Variants in TMEFF2 observed in about 807,000 individuals in gnomAD.
The protein encoded by TMEFF2 is transmembrane protein with EGF like and two follistatin like domains 2.
A neutral mutation model predicts 53.8 loss-of-function variants in TMEFF2; 28 were observed. The ratio of observed to expected loss-of-function variants is 0.52; its 90% CI spans 0.39 to 0.71. The LOEUF is 0.71. Among genes scored for constraint, TMEFF2 ranks in the 30% least tolerant of loss-of-function variants. The pLI is 0.00. For missense variants in TMEFF2, 353 were observed against 455.2 expected, an observed-to-expected ratio of 0.78 and a Z score of 2.04; for synonymous variants, 162 against 166.3, an observed-to-expected ratio of 0.97 and a Z score of 0.20.
At chr2:192,071,732 G>C (rs532821485) in intron 4 of TMEFF2, among the ~76,000 whole-genome samples, 2 of 151,898 alleles carry the variant, frequency 1.3e-5, no homozygotes, top group South Asian at 4.1e-4. Flanking sequence ...TAAATGCTAC[G>C]TAAATAATCC....
At chr2:191,967,304 T>C (rs1692498165) in intron 7 of TMEFF2, among the ~76,000 whole-genome samples, 1 of 152,184 alleles carries the variant, frequency 6.6e-6, no homozygotes, top group Non-Finnish European at 1.5e-5. Flanking sequence ...ATGCTGTTGA[T>C]GCTCTGACAC....
intron 4 of TMEFF2, among the ~76,000 whole-genome samples, chr2:192,148,277 C>T (rs1172210629): frequency 2.6e-5 from 4 of 152,016 alleles, no homozygotes; most frequent in African/African-American, 9.7e-5. Flanking sequence ...ATATAACATG[C>T]ATTTTGAAGA....
intron 7 of TMEFF2, among the ~76,000 whole-genome samples, chr2:191,974,012 G>T (rs890115569): frequency 6.6e-6 from 1 of 152,046 alleles, no homozygotes; most frequent in Non-Finnish European, 1.5e-5. Context: ...TCCAATCTTG[G>T]ATATGTCTTA....
intron 4 of TMEFF2, among the ~76,000 whole-genome samples, chr2:192,065,169 G>T (rs1183930773): frequency 6.6e-6 from 1 of 151,658 alleles, no homozygotes; most frequent in Non-Finnish European, 1.5e-5. Context: ...AATAGTTAAG[G>T]TGTGTTTCTT....
intron 7 of TMEFF2, among the ~76,000 whole-genome samples, chr2:191,991,589 T>C (rs1477041299): frequency 6.6e-6 from 1 of 152,044 alleles, no homozygotes; most frequent in Non-Finnish European, 1.5e-5. Flanking sequence ...ATTACCACGA[T>C]AGCATGGCCA....
intron 7 of TMEFF2, among the ~76,000 whole-genome samples, chr2:191,998,020 A>G (rs921940935): frequency 2.6e-5 from 4 of 151,976 alleles, no homozygotes; most frequent in African/African-American, 9.7e-5. Flanking sequence ...CACTGTAAAG[A>G]CAAGCTAATT....
chr2:192,041,555 C>T (rs1330415773), intron 5 of TMEFF2, among the ~76,000 whole-genome samples: 1 of 152,082 alleles, frequency 6.6e-6, no homozygotes, highest in Non-Finnish European at 1.5e-5. Context: ...ATAGTCTGGC[C>T]CTTCCTCAAA....
chr2:192,001,303 G>A (rs1252139071), intron 5 of TMEFF2, among the ~76,000 whole-genome samples: 3 of 151,854 alleles, frequency 2.0e-5, no homozygotes, highest in Admixed American at 1.3e-4. Flanking sequence ...GGCTTTGACG[G>A]TATATCCAAA....
chr2:191,994,490 A>G (rs920097034), intron 7 of TMEFF2, among the ~76,000 whole-genome samples: 3 of 151,792 alleles, frequency 2.0e-5, no homozygotes, highest in Admixed American at 2.0e-4. Flanking sequence ...ACAATCAGAA[A>G]ATATACATAT....
chr2:192,123,154 T>C (rs1304360322), intron 4 of TMEFF2, among the ~76,000 whole-genome samples: 1 of 152,176 alleles, frequency 6.6e-6, no homozygotes, highest in Non-Finnish European at 1.5e-5. Flanking sequence ...ATTCTTGATG[T>C]GTTAATGGCT....
In TMEFF2 at chr2:192,194,841, A is replaced by C; in HGVS notation, c.-317T>G. 2.8e-6 allele frequency: 1 copy of C among 353,976 alleles called. No individual in the cohort carries two copies. The highest frequency in any genetic ancestry group is 5.3e-6 in the Non-Finnish European group (1 of 189,944). 21.9% of individuals were successfully genotyped at this position (353,976 alleles called of 1,614,324 possible). A position where few individuals can be genotyped will look rare whatever the true frequency, so the allele number is the denominator to read the frequency against. ...GGAGGAGACGGGAGTCCAGGGGCAGACGAGTGGAGCCCGAGGAGGCAGGGT... is the reference window on the plus strand; with the variant it reads ...GGAGGAGACGGGAGTCCAGGGGCAGCCGAGTGGAGCCCGAGGAGGCAGGGT... On this transcript the variant is annotated 5_prime_UTR_variant, in exon 1 of 10. Coordinates refer to ENST00000272771, the MANE Select transcript of TMEFF2 (RefSeq NM_016192.4). The surrounding 1 kb of genome is among the most constrained non-coding windows in gnomAD (Gnocchi z 4.2).
rs767148523 is a variant in TMEFF2 at position 191,950,479 on chromosome 2, T to TAAAG, written c.1029-76_1029-73dup. ...AAAGTTTGGCCCTACAATCACAGAA[T>TAAAG]AAAGATGTGGATTAAGCAAATTATT... On this transcript the variant is annotated intron_variant, in intron 9 of 9. Coordinates refer to ENST00000272771, the MANE Select transcript of TMEFF2 (RefSeq NM_016192.4). 4.4e-6 allele frequency: 7 copies of TAAAG among 1,588,852 alleles called. No homozygotes were observed. In the South Asian group the frequency reaches 7.7e-5, roughly 18 times the overall value.
chr2:192,138,826 G>C (rs1451122464), intron 4 of TMEFF2, among the ~76,000 whole-genome samples: 1 of 152,086 alleles, frequency 6.6e-6, no homozygotes, highest in African/African-American at 2.4e-5. Flanking sequence ...ACATTTTAGA[G>C]GTCAAGAAAA....
chr2:192,017,373 G>T (rs1218291883), intron 5 of TMEFF2, among the ~76,000 whole-genome samples: 1 of 152,282 alleles, frequency 6.6e-6, no homozygotes, highest in African/African-American at 2.4e-5. Context: ...TATTTTAGAA[G>T]TACCCTCTGT....
intron 4 of TMEFF2, among the ~76,000 whole-genome samples, chr2:192,069,982 GTGTGTGTATATATATATA>G (rs1415730683): frequency 8.5e-4 from 7 of 8,270 alleles, no homozygotes; most frequent in Non-Finnish European, 1.1e-3. Flanking sequence ...GTGTGTGTGT[GTGTGTGTATATATATATA>G]TATATATATA....
intron 4 of TMEFF2, among the ~76,000 whole-genome samples, chr2:192,174,669 C>G (rs1373892089): frequency 1.3e-5 from 2 of 151,666 alleles, no homozygotes; most frequent in Non-Finnish European, 2.9e-5. Context: ...TGCTTTCTTC[C>G]CATATATATT....
At chr2:192,182,870 T>C (rs994738686) in intron 3 of TMEFF2, among the ~76,000 whole-genome samples, 4 of 152,056 alleles carry the variant, frequency 2.6e-5, no homozygotes, top group Admixed American at 6.6e-5. Flanking sequence ...TATGGCTGAC[T>C]GATTCCTCAT....
intron 5 of TMEFF2, among the ~76,000 whole-genome samples, chr2:192,053,989 A>G (rs1687837575): frequency 1.3e-5 from 2 of 152,146 alleles, no homozygotes. Context: ...TATTGCTTAC[A>G]TTCAACATTT....
intron 5 of TMEFF2, among the ~76,000 whole-genome samples, chr2:192,049,153 A>G (rs28495999): frequency 0.42 from 63,346 of 151,398 alleles, 14,523 homozygotes; most frequent in South Asian, 0.56. Context: ...CATTTGGTCT[A>G]TGTGTGTGTG....
Sources: allele counts gnomAD v4.1 joint callset (sites outside exome capture counted in the v4.1 genomes callset), GRCh38; gene constraint gnomAD v4.1.1; non-coding constraint Gnocchi (gnomAD v3.1); transcripts MANE v1.5; gene names NCBI Gene and HGNC (gene_info 2026-07-23, HGNC 2026-07-21).